The following NFYC variants were observed in gnomAD, a reference collection of about 807,000 sequenced individuals.
NFYC encodes the protein CAAT box DNA-binding protein subunit C.
In NFYC, 25 loss-of-function variants were observed where a neutral mutation model predicts 53.1. The observed-to-expected ratio is 0.47, with a 90% CI of 0.34 to 0.66. The LOEUF (loss-of-function observed/expected upper bound fraction) is 0.66, where lower values mean the gene tolerates loss of function less well. Among genes scored for constraint, NFYC ranks in the 30% least tolerant of loss-of-function variants. NFYC has a pLI of 0.01. For missense variants in NFYC, 260 were observed against 422.7 expected (o/e 0.62, Z 3.38); for synonymous variants, 145 against 152.6 (o/e 0.95, Z 0.37).
At chr1:40,740,065 T>A (rs1172298795) in intron 2 of NFYC, among the ~76,000 whole-genome samples, 2 of 152,116 alleles carry the variant, frequency 1.3e-5, no homozygotes, top group African/African-American at 4.8e-5. Context: ...CATAATACAG[T>A]TGTCATGTCC....
chr1:40,750,482 A>G (rs7535843), intron 4 of NFYC, among the ~76,000 whole-genome samples: 8,012 of 152,298 alleles, frequency 0.053, 362 homozygotes, highest in African/African-American at 0.11. Flanking sequence ...GATTAACGAT[A>G]CACACAACAG....
At chr1:40,736,637 C>G (rs894293065) in intron 1 of NFYC, among the ~76,000 whole-genome samples, 1 of 152,080 alleles carries the variant, frequency 6.6e-6, no homozygotes, top group Non-Finnish European at 1.5e-5. Flanking sequence ...ACTGTTCTTG[C>G]ATTTTAATAT....
chr1:40,722,781 T>TA (rs1644372625), intron 1 of NFYC, among the ~76,000 whole-genome samples: 1 of 152,234 alleles, frequency 6.6e-6, no homozygotes, highest in Non-Finnish European at 1.5e-5. Context: ...CCAGGTCCAA[T>TA]ACATTTTATT....
At chr1:40,748,308 G>GT (rs137953213) in intron 3 of NFYC, among the ~76,000 whole-genome samples, 4,015 of 151,628 alleles carry the variant, frequency 0.026, 72 homozygotes, top group Middle Eastern at 0.058. Flanking sequence ...AATTTTTAAT[G>GT]TTTTTTTGGA....
intron 1 of NFYC, among the ~76,000 whole-genome samples, chr1:40,730,386 G>A (rs957352739): frequency 6.6e-6 from 1 of 151,900 alleles, no homozygotes; most frequent in Non-Finnish European, 1.5e-5. Context: ...TTACTTGAAC[G>A]CTTAGAGGCC....
At position 40,762,969 on chromosome 1, in the gene NFYC, G is replaced by T. The variant is rs145651199; in HGVS notation, c.643G>T (p.Ala215Ser). 5 of 1,611,872 alleles carry T rather than the reference G, an allele frequency of 3.1e-6. No homozygotes were observed. In the African/African-American group the frequency reaches 6.7e-5, roughly 22 times the overall value. The part of the protein sequence containing the change: ...QAQPQGQAQQ[A>S]QSGTGQTMQV... The stretch of plus-strand genomic sequence containing the variant: ...TCAGCCACAGGGTCAAGCCCAACAG[G>T]CCCAGAGTGGCACTGGACAGACCAT... Residue 215 changes from alanine (A) to serine (S), a missense_variant, in exon 7 of 10, where the codon GCC (alanine) becomes TCC (serine). Coordinates refer to ENST00000447388, the MANE Select transcript of NFYC (RefSeq NM_014223.5).
chr1:40,746,212 G>A (rs1160661846), intron 2 of NFYC, among the ~76,000 whole-genome samples: 1 of 152,172 alleles, frequency 6.6e-6, no homozygotes, highest in Non-Finnish European at 1.5e-5. Context: ...CATGGAAAAT[G>A]TTGATACCTA....
At chr1:40,759,233 T>TA (rs11429236) in intron 6 of NFYC, among the ~76,000 whole-genome samples, 67,454 of 138,714 alleles carry the variant, frequency 0.49, 18,079 homozygotes, top group East Asian at 0.82. Flanking sequence ...CTTCTTTAAT[T>TA]AAAAAAAAAA....
intron 1 of NFYC, chr1:40,735,240 T>C (rs901614061): frequency 6.6e-6 from 1 of 152,040 alleles, no homozygotes; most frequent in Non-Finnish European, 1.5e-5. Flanking sequence ...AAGGATATTA[T>C]TGACTTGTAT....
intron 1 of NFYC, among the ~76,000 whole-genome samples, chr1:40,733,383 G>A (rs1161719468): frequency 6.6e-6 from 1 of 151,238 alleles, no homozygotes; most frequent in Non-Finnish European, 1.5e-5. Flanking sequence ...TACTTGGGAG[G>A]CTGTGGTAGG....
chr1:40,702,575 C>T (rs1302742786), intron 1 of NFYC, among the ~76,000 whole-genome samples: 4 of 152,102 alleles, frequency 2.6e-5, no homozygotes, highest in Non-Finnish European at 2.9e-5. Context: ...ATCCCCTGAC[C>T]TCGTGATCTA....
At chr1:40,709,412 CAAAG>C (rs1183111699) in intron 1 of NFYC, 6 of 152,086 alleles carry the variant, frequency 3.9e-5, no homozygotes, top group Non-Finnish European at 1.5e-5. Flanking sequence ...AGCTGAAAGA[CAAAG>C]AAAAATGGCG....
intron 1 of NFYC, among the ~76,000 whole-genome samples, chr1:40,723,983 T>G (rs1197132249): frequency 6.6e-6 from 1 of 152,162 alleles, no homozygotes; most frequent in African/African-American, 2.4e-5. Flanking sequence ...GGCTGAACCT[T>G]TTTCCTTAAA....
At chr1:40,749,383 A>G (rs935276382) in intron 3 of NFYC, among the ~76,000 whole-genome samples, 190 bp from the exon 4 acceptor site, 4 of 152,220 alleles carry the variant, frequency 2.6e-5, no homozygotes, top group Non-Finnish European at 2.9e-5. Flanking sequence ...TATGTGCTAG[A>G]TAAGTATTCT....
At chr1:40,760,070 C>G (rs1179914372) in intron 6 of NFYC, among the ~76,000 whole-genome samples, 3 of 152,198 alleles carry the variant, frequency 2.0e-5, no homozygotes, top group African/African-American at 4.8e-5. Flanking sequence ...GTCCTTCTGC[C>G]TCAGCCTCCC....
intron 8 of NFYC, chr1:40,767,160 T>C (rs944824527): frequency 1.7e-6 from 1 of 602,540 alleles, no homozygotes; most frequent in Non-Finnish European, 3.0e-6. Flanking sequence ...TCCTCTCCTC[T>C]CGTGCCCTAC....
At chr1:40,728,958 C>T (rs575202753) in intron 1 of NFYC, among the ~76,000 whole-genome samples, 18 of 152,104 alleles carry the variant, frequency 1.2e-4, no homozygotes, top group Non-Finnish European at 2.5e-4. Flanking sequence ...TTTGGATGAC[C>T]AGGTATATTG....
intron 1 of NFYC, among the ~76,000 whole-genome samples, chr1:40,710,519 G>C (rs1488524030): frequency 6.6e-6 from 1 of 152,118 alleles, no homozygotes; most frequent in Non-Finnish European, 1.5e-5. Flanking sequence ...CACATACTAA[G>C]ATCTATAATA....
intron 6 of NFYC, among the ~76,000 whole-genome samples, chr1:40,759,559 ATG>A (rs145020339): frequency 8.2e-4 from 122 of 149,310 alleles, no homozygotes; most frequent in Middle Eastern, 6.9e-3. Flanking sequence ...AAAAAAGTAT[ATG>A]TGTGTGTGTG....
Sources: allele counts gnomAD v4.1 joint callset (sites outside exome capture counted in the v4.1 genomes callset), GRCh38; gene constraint gnomAD v4.1.1; transcripts MANE v1.5; gene names NCBI Gene and HGNC (gene_info 2026-07-23, HGNC 2026-07-21).